The following XDH variants were observed in gnomAD, a reference collection of about 807,000 sequenced individuals.
XDH encodes xanthine dehydrogenase.
A neutral mutation model predicts 156.1 loss-of-function variants in XDH; 138 were observed. The observed-to-expected ratio is 0.88, with a 90% CI of 0.77 to 1.02. The LOEUF is 1.02. Among genes scored for constraint, XDH ranks in the 50% least tolerant of loss-of-function variants. The pLI, the probability that XDH is intolerant of heterozygous loss-of-function variation, is 0.00. For missense variants in XDH, 1,849 were observed against 1,684.9 expected (o/e 1.10, Z -1.71); for synonymous variants, 669 against 625.7 (o/e 1.07, Z -1.03).
intron 1 of XDH, among the ~76,000 whole-genome samples, chr2:31,406,184 A>T (rs1198806236): frequency 6.6e-6 from 1 of 152,160 alleles, no homozygotes. Flanking sequence ...CAGATTTCTC[A>T]TGAATGGCTT....
At chr2:31,388,194 C>G in intron 7 of XDH, 33 bp downstream of exon 7, 1 of 1,612,784 alleles carries the variant, frequency 6.2e-7, no homozygotes, top group Non-Finnish European at 8.5e-7. Flanking sequence ...TCAGATTACC[C>G]CCAGGCTTCC....
chr2:31,334,989 C>T lies in XDH; in HGVS notation c.*969G>A, dbSNP rs1450141873. 2 of 152,168 alleles carry T rather than the reference C, an allele frequency of 1.3e-5. No individual in the cohort carries two copies. Among genetic ancestry groups the T allele is most frequent in the African/African-American group, 4.8e-5 (2 of 41,430 alleles). 9.4% of individuals were successfully genotyped at this position (152,168 alleles called of 1,614,324 possible). A position where few individuals can be genotyped will look rare whatever the true frequency, so the allele number is the denominator to read the frequency against. On this transcript the variant is annotated 3_prime_UTR_variant, in exon 36 of 36. Transcript: ENST00000379416. ...AGCTCAAATGATCTCTCCACCTCAG[C>T]CTTTCAAGTAGTTGGGACTACAGGC...
chr2:31,388,361 T>C lies in XDH; in HGVS notation c.496-66A>G, dbSNP rs1285570036. ...GAGTATTTGCAGAAGCTAAGGAATCTAGATTACTAATATCCAGAACACTCC... is the reference window on the plus strand; with the variant it reads ...GAGTATTTGCAGAAGCTAAGGAATCCAGATTACTAATATCCAGAACACTCC... On this transcript the variant is annotated intron_variant, in intron 6 of 35. Transcript: ENST00000379416. 7 of 1,550,556 alleles carry C rather than the reference T, an allele frequency of 4.5e-6. No individual in the cohort carries two copies. In the South Asian group the frequency reaches 5.6e-5, roughly 12 times the overall value.
chr2:31,397,603 A>G, intron 6 of XDH, 65 bp downstream of exon 6: 1 of 1,599,008 alleles, frequency 6.3e-7, no homozygotes, highest in East Asian at 2.2e-5. Context: ...CTCCCTCCCC[A>G]CAGTGATTTC....
intron 26 of XDH, 58 bp from the exon 27 acceptor site, chr2:31,349,038 T>C (rs763681004): frequency 3.2e-5 from 48 of 1,519,258 alleles, no homozygotes; most frequent in Non-Finnish European, 4.0e-5. Flanking sequence ...GACATGAATA[T>C]CTTTGGATGT....
chr2:31,365,392 A>G lies in XDH; in HGVS notation c.2544+65T>C. Reference sequence around the variant, plus strand: ...GGAGTGCAGCTCAGGATGCCTGGACATTCGGTCCCAGCTTTCCTCACAAAA... The same window carrying G: ...GGAGTGCAGCTCAGGATGCCTGGACGTTCGGTCCCAGCTTTCCTCACAAAA... On this transcript the variant is annotated intron_variant, in intron 23 of 35. Transcript: ENST00000379416. The G allele has an allele frequency of 7.6e-6, 12 of 1,571,894 alleles. 1 individual carries two copies. The highest frequency in any genetic ancestry group is 2.7e-5 in the African/African-American group (2 of 74,208).
chr2:31,410,739 TC>T (rs1687319542), intron 1 of XDH, among the ~76,000 whole-genome samples: 1 of 152,060 alleles, frequency 6.6e-6, no homozygotes, highest in Admixed American at 6.5e-5. Context: ...TGAGGAACAT[TC>T]TAAAAAAAAA....
chr2:31,341,358 T>C lies in XDH; in HGVS notation c.3556A>G (p.Ser1186Gly). 6.3e-7 allele frequency: 1 copy of C among 1,579,752 alleles called. No homozygotes were observed. ...RTDIVMDVGS[S>G]LNPAIDIGQV... ...CCAATATCAATGGCAGGGTTTAGACTGGAGCCAACATCCATGACAATATCT... is the reference window on the plus strand; with the variant it reads ...CCAATATCAATGGCAGGGTTTAGACCGGAGCCAACATCCATGACAATATCT... The change falls in exon 33 of 36, where the codon AGT (serine) becomes GGT (glycine). Residue 1186 changes from serine to glycine, a missense_variant. By Grantham distance (56) the Ser-to-Gly change is moderately conservative. Coordinates refer to ENST00000379416, the MANE Select transcript of XDH (RefSeq NM_000379.4).
chr2:31,338,458 T>G (rs1244855549), intron 34 of XDH, among the ~76,000 whole-genome samples: 1 of 152,098 alleles, frequency 6.6e-6, no homozygotes, highest in African/African-American at 2.4e-5. Context: ...ATCATGGGCC[T>G]CAGTAATTCC....
chr2:31,365,332 A>T, intron 23 of XDH, 125 bp downstream of exon 23: 1 of 976,088 alleles, frequency 1.0e-6, no homozygotes, highest in Non-Finnish European at 1.6e-6. Flanking sequence ...TTCTTGCTAT[A>T]TCTTATTTGA....
At chr2:31,408,492 A>G (rs1178708508) in intron 1 of XDH, among the ~76,000 whole-genome samples, 1 of 152,250 alleles carries the variant, frequency 6.6e-6, no homozygotes, top group Non-Finnish European at 1.5e-5. Flanking sequence ...GCTCTGGTAA[A>G]ACTTGAGCAT....
In XDH at chr2:31,383,036, G is replaced by A. The variant is rs780531371; in HGVS notation, c.1003C>T (p.Arg335Cys). 1.7e-5 allele frequency: 28 copies of A among 1,614,022 alleles called. No homozygotes were observed. Among genetic ancestry groups the A allele is most frequent in the Admixed American group, 3.3e-5 (2 of 60,004 alleles). Reference protein sequence around the residue: ...EVFRGVLEQLRWFAGKQVKSV... With the variant: ...EVFRGVLEQLCWFAGKQVKSV... ...TTGACTTGCTTCCCAGCAAACCAGC[G>A]CAGCTGCTCCAGGACCCCTCTGAAC... The change falls in exon 11 of 36, where the codon CGC (arginine) becomes TGC (cysteine). Residue 335 changes from arginine to cysteine, a missense_variant. Transcript: ENST00000379416.
At position 31,370,414 on chromosome 2, in the gene XDH, C is replaced by T. The variant is rs1462651776; in HGVS notation, c.1921G>A (p.Val641Ile). 13 of 1,614,186 alleles carry T rather than the reference C, an allele frequency of 8.1e-6. No homozygotes were observed. The highest frequency in any genetic ancestry group is 1.1e-5 in the Non-Finnish European group (13 of 1,180,022). Residue 641 changes from valine (V) to isoleucine (I), a missense_variant, in exon 18 of 36, where the codon GTT (valine) becomes ATT (isoleucine). Transcript: ENST00000379416. ...GFVCFISADDVPGSNITGICN... is the reference protein window; with the variant it reads ...GFVCFISADDIPGSNITGICN... ...ATTCCAGTTATGTTACTCCCAGGAACATCATCAGCGGAAATGAAACAAACA... is the reference window on the plus strand; with the variant it reads ...ATTCCAGTTATGTTACTCCCAGGAATATCATCAGCGGAAATGAAACAAACA...
Position 31,350,103 on chromosome 2 carries a change from G to GC in XDH, c.2751dup (p.Pro918AlafsTer13), listed in dbSNP as rs772878388. 1.9e-6 allele frequency: 3 copies of GC among 1,614,228 alleles called. No homozygotes were observed. The highest frequency in any genetic ancestry group is 2.5e-6 in the Non-Finnish European group (3 of 1,180,034). ...CACTCGGCAATGAGCATCCCCTGGG[G>GC]CCCCCCAAAGCCCCGGAAGGCCGTG... On this transcript the variant is annotated frameshift_variant, in exon 25 of 36. Coordinates refer to ENST00000379416, the MANE Select transcript of XDH (RefSeq NM_000379.4). LOFTEE classifies it high-confidence loss of function.
Position 31,405,929 on chromosome 2 carries a change from A to G in XDH, c.78T>C (p.Leu26=), listed in dbSNP as rs112608986. ...TACACTTTCTTCTCAGGTAGGCCAA[A>G]AGGGTTGTCTCTGGATCTGCATTTT... ...VEKNADPETT[L]LAYLRRKLGL... Residue 26 remains leucine (L), a synonymous_variant, in exon 2 of 36, where the codon CTT becomes CTC. Transcript: ENST00000379416. The G allele has an allele frequency of 2.5e-5, 41 of 1,614,040 alleles. 3 individuals are homozygous for G. The highest frequency in any genetic ancestry group is 1.5e-4 in the African/African-American group (11 of 74,912).
rs1190661351 is a variant in XDH at position 31,375,015 on chromosome 2, CTTTCTTTCTT to C, written c.1602+355_1602+364del. Reference sequence around the variant, plus strand: ...TTTTCCTTTCTTTCTTTCTTTCTTTCTTTCTTTCTTTTTTTTTTTTTTTTTTTGAGACAGA... The same window carrying C: ...TTTTCCTTTCTTTCTTTCTTTCTTTCTTTTTTTTTTTTTTTTTGAGACAGA... On this transcript the variant is annotated intron_variant, in intron 15 of 35. Transcript: ENST00000379416. 6.3e-3 allele frequency among the ~76,000 whole-genome samples: 697 copies of C among 111,440 alleles called. 1 individual carries two copies. Among genetic ancestry groups the C allele is most frequent in the African/African-American group, 0.022 (459 of 21,072 alleles). The allele number at this position is 111,440 out of a possible 152,430, so 73.1% of individuals were successfully genotyped here. A position where few individuals can be genotyped will look rare whatever the true frequency, so the allele number is the denominator to read the frequency against.
intron 16 of XDH, among the ~76,000 whole-genome samples, 192 bp from the exon 17 acceptor site, chr2:31,372,589 T>A (rs1686107428): frequency 1.3e-5 from 2 of 152,210 alleles, no homozygotes; most frequent in Admixed American, 1.3e-4. Flanking sequence ...CTAGTGTTGT[T>A]ATATAAAAGA....
At chr2:31,409,984 C>T (rs998214774) in intron 1 of XDH, among the ~76,000 whole-genome samples, 3 of 152,084 alleles carry the variant, frequency 2.0e-5, no homozygotes, top group Admixed American at 1.3e-4. Flanking sequence ...GTGAAAGCAA[C>T]CAAAATGTCC....
At chr2:31,355,936 C>G (rs754683378) in intron 24 of XDH, among the ~76,000 whole-genome samples, 1 of 152,088 alleles carries the variant, frequency 6.6e-6, no homozygotes, top group Non-Finnish European at 1.5e-5. Flanking sequence ...AAAGATATAA[C>G]ATGCAAACAT....
Sources: allele counts gnomAD v4.1 joint callset (sites outside exome capture counted in the v4.1 genomes callset), GRCh38; gene constraint gnomAD v4.1.1; transcripts MANE v1.5; gene names NCBI Gene and HGNC (gene_info 2026-07-23, HGNC 2026-07-21).